The following NBEA variants were observed in gnomAD, a reference collection of about 807,000 sequenced individuals.
NBEA encodes the protein lysosomal-trafficking regulator 2.
A neutral mutation model predicts 343.4 loss-of-function variants in NBEA; 44 were observed. That is an observed-to-expected ratio of 0.13 (90% CI 0.10 to 0.16). The LOEUF (loss-of-function observed/expected upper bound fraction) is 0.16, where lower values mean the gene tolerates loss of function less well. Ranked by LOEUF, NBEA falls within the 10% of genes least tolerant of loss-of-function variation. NBEA has a pLI of 1.00. For missense variants in NBEA, 2,555 were observed against 3,631.3 expected (o/e 0.70, Z 7.62); for synonymous variants, 1,175 against 1,238.7 (o/e 0.95, Z 1.08).
At chr13:35,611,567 A>C (rs1194754849) in intron 48 of NBEA, among the ~76,000 whole-genome samples, 1 of 152,176 alleles carries the variant, frequency 6.6e-6, no homozygotes, top group Non-Finnish European at 1.5e-5. Context: ...TCACCACCCC[A>C]GAAAGATTCC....
intron 24 of NBEA, among the ~76,000 whole-genome samples, chr13:35,166,280 G>C (rs1051405031): frequency 2.0e-5 from 3 of 152,172 alleles, no homozygotes; most frequent in Admixed American, 6.5e-5. Flanking sequence ...AAAGGCAAAA[G>C]ATCTTTAACT....
At chr13:35,503,754 T>C (rs1419985047) in intron 41 of NBEA, among the ~76,000 whole-genome samples, 14 of 152,128 alleles carry the variant, frequency 9.2e-5, no homozygotes, top group Admixed American at 9.2e-4. Context: ...TTGGATTATT[T>C]ATGTTATTGC....
At chr13:35,205,060 G>T (rs2073293992) in intron 31 of NBEA, among the ~76,000 whole-genome samples, 1 of 152,148 alleles carries the variant, frequency 6.6e-6, no homozygotes, top group Admixed American at 6.6e-5. Context: ...ACTGGTTAGT[G>T]TGGACTTTCA....
At chr13:35,589,546 T>C (rs1001007361) in intron 46 of NBEA, among the ~76,000 whole-genome samples, 3 of 151,884 alleles carry the variant, frequency 2.0e-5, no homozygotes, top group African/African-American at 4.8e-5. Context: ...TTAAATGGAA[T>C]GAAGAGAAGG....
intron 32 of NBEA, among the ~76,000 whole-genome samples, chr13:35,209,198 T>C (rs1354209491): frequency 1.3e-5 from 2 of 152,140 alleles, no homozygotes; most frequent in Non-Finnish European, 2.9e-5. Flanking sequence ...GTATCAAGAA[T>C]ATCAAGATGT....
chr13:35,606,967 T>A (rs2082304672), intron 48 of NBEA, among the ~76,000 whole-genome samples: 1 of 152,122 alleles, frequency 6.6e-6, no homozygotes, highest in African/African-American at 2.4e-5. Context: ...CAGAAAAAAA[T>A]TTATTTAGAA....
intron 44 of NBEA, 33 bp downstream of exon 44, chr13:35,555,135 G>A: frequency 1.7e-6 from 2 of 1,212,016 alleles, no homozygotes; most frequent in Non-Finnish European, 2.4e-6. Flanking sequence ...CTAATAATAT[G>A]TTTATGTTCA....
At chr13:35,134,144 C>T (rs1421748588) in intron 17 of NBEA, among the ~76,000 whole-genome samples, 1 of 151,678 alleles carries the variant, frequency 6.6e-6, no homozygotes, top group Non-Finnish European at 1.5e-5. Context: ...CATCAAATAG[C>T]GATGTCAAAA....
intron 1 of NBEA, among the ~76,000 whole-genome samples, chr13:35,006,823 G>A (rs1370317164): frequency 6.6e-6 from 1 of 152,076 alleles, no homozygotes; most frequent in Admixed American, 6.6e-5. Flanking sequence ...CACGATCTTG[G>A]CTTACTGCAA....
chr13:34,978,650 T>G lies in NBEA; in HGVS notation c.294+35536T>G, dbSNP rs571013248. 3.9e-5 allele frequency among the ~76,000 whole-genome samples: 6 copies of G among 152,110 alleles called. No homozygotes were observed. In the East Asian group the frequency reaches 1.2e-3, roughly 29 times the overall value. On this transcript the variant is annotated intron_variant, in intron 1 of 58. Coordinates refer to ENST00000379939, the MANE Select transcript of NBEA (RefSeq NM_001385012.1). ...CATACTCCCAGAGATGGTCAGAGGT[T>G]TTTTTTTCCCACCATAGATTAGTAT...
At chr13:35,614,056 G>A (rs1227407050) in intron 48 of NBEA, among the ~76,000 whole-genome samples, 2 of 152,072 alleles carry the variant, frequency 1.3e-5, no homozygotes, top group African/African-American at 4.8e-5. Context: ...CAGGTATAAG[G>A]TTATATCTCA....
At chr13:35,290,331 CAG>C in intron 34 of NBEA, 56 bp from the exon 35 acceptor site, 1 of 1,081,450 alleles carries the variant, frequency 9.2e-7, no homozygotes, top group South Asian at 1.3e-5. Flanking sequence ...TGAATTAACT[CAG>C]AATGATAATT....
chr13:35,048,519 T>A, intron 4 of NBEA, 44 bp from the exon 5 acceptor site: 1 of 1,564,360 alleles, frequency 6.4e-7, no homozygotes, highest in Non-Finnish European at 8.7e-7. Context: ...TACTATCACA[T>A]TTCTTTAACT....
chr13:34,995,740 C>T lies in NBEA; in HGVS notation c.295-45193C>T, dbSNP rs574640866. 5.9e-5 allele frequency among the ~76,000 whole-genome samples: 9 copies of T among 152,314 alleles called. No individual in the cohort carries two copies. The South Asian group carries it at 6.2e-4, about 11-fold the overall frequency. On this transcript the variant is annotated intron_variant, in intron 1 of 58. Coordinates refer to ENST00000379939, the MANE Select transcript of NBEA (RefSeq NM_001385012.1). Reference sequence around the variant, plus strand: ...CTCAGCTTTTTGTTACATGAGTACACGCTCAAGTTTCATTCAGCATGAATG... The same window carrying T: ...CTCAGCTTTTTGTTACATGAGTACATGCTCAAGTTTCATTCAGCATGAATG...
At chr13:35,125,329 T>C (rs1195302615) in intron 17 of NBEA, among the ~76,000 whole-genome samples, 3 of 152,184 alleles carry the variant, frequency 2.0e-5, no homozygotes, top group African/African-American at 4.8e-5. Flanking sequence ...AGTTCACTTA[T>C]AGCAAATAGG....
chr13:35,343,405 T>C (rs529928487), intron 36 of NBEA, among the ~76,000 whole-genome samples: 2 of 152,210 alleles, frequency 1.3e-5, no homozygotes, highest in East Asian at 3.9e-4. Flanking sequence ...TTTGATACTA[T>C]TGATATATAG....
intron 36 of NBEA, among the ~76,000 whole-genome samples, chr13:35,311,553 T>TA (rs954759933): frequency 6.6e-6 from 1 of 151,962 alleles, no homozygotes; most frequent in Admixed American, 6.6e-5. Flanking sequence ...GTCACAATTT[T>TA]AAAAAAAATT....
At chr13:35,126,128 T>A (rs146445836) in intron 17 of NBEA, among the ~76,000 whole-genome samples, 171 of 152,326 alleles carry the variant, frequency 1.1e-3, no homozygotes, top group African/African-American at 4.1e-3. Context: ...ATGGGGGCAG[T>A]TCCCCCCTGC....
chr13:35,459,379 T>G (rs934209933), intron 40 of NBEA, among the ~76,000 whole-genome samples: 1 of 152,168 alleles, frequency 6.6e-6, no homozygotes. Context: ...GGCTGACCAT[T>G]TCTGCCTTCC....
Sources: allele counts gnomAD v4.1 joint callset (sites outside exome capture counted in the v4.1 genomes callset), GRCh38; gene constraint gnomAD v4.1.1; transcripts MANE v1.5; gene names NCBI Gene and HGNC (gene_info 2026-07-23, HGNC 2026-07-21).